The following KLC3 variants were observed in gnomAD, a reference collection of about 807,000 sequenced individuals.
KLC3 encodes the protein kinesin light chain 2.
In KLC3, 72 loss-of-function variants were observed where a neutral mutation model predicts 62.9. The observed-to-expected ratio is 1.15, with a 90% CI of 0.95 to 1.39. The LOEUF is 1.39. KLC3 is among the 40% of genes most tolerant of loss of function. The probability of loss-of-function intolerance (pLI) is 0.00; values close to 1 mark genes in which losing one functional copy is unlikely to be tolerated. For synonymous variants in KLC3, 377 were observed against 300.5 expected (o/e 1.25, Z -2.63); for missense variants, 848 against 691.6 (o/e 1.23, Z -2.54).
rs145326038 is a variant in KLC3 at position 45,346,826 on chromosome 19, C to T, written c.489+52C>T. ...GTGCTGGGCCCTTCATAGAGCCCCA[C>T]AGTCCCCCAGACCCTCCTTAGAATC... On this transcript the variant is annotated intron_variant, in intron 3 of 12. Coordinates refer to ENST00000391946, the MANE Select transcript of KLC3 (RefSeq NM_177417.3). 550 of 1,470,436 alleles carry T rather than the reference C, an allele frequency of 3.7e-4. No individual in the cohort carries two copies. The African/African-American group carries it at 6.6e-3, about 18-fold the overall frequency. 91.1% of individuals were successfully genotyped at this position (1,470,436 alleles called of 1,614,324 possible).
chr19:45,349,902 G>A (rs1445212396), intron 8 of KLC3: 5 of 456,102 alleles, frequency 1.1e-5, no homozygotes, highest in South Asian at 6.7e-5. Flanking sequence ...TCCCCACATC[G>A]CTAGTTCTTA....
chr19:45,341,296 T>A (rs1971389185), intron 1 of KLC3, among the ~76,000 whole-genome samples: 1 of 151,744 alleles, frequency 6.6e-6, no homozygotes, highest in African/African-American at 2.4e-5. Flanking sequence ...GTGATGGGAC[T>A]GTGTGTATGA....
chr19:45,350,795 A>ACAGCC (rs1336399951), intron 11 of KLC3, 48 bp downstream of exon 11: 2 of 1,510,166 alleles, frequency 1.3e-6, no homozygotes, highest in Admixed American at 1.9e-5. Flanking sequence ...AGCAGAATCC[A>ACAGCC]CAGCCCACCC....
Position 45,350,448 on chromosome 19 carries a change from T to C in KLC3, c.1234+17T>C, listed in dbSNP as rs759024466. 5.0e-6 allele frequency: 8 copies of C among 1,613,260 alleles called. No individual in the cohort carries two copies. In the South Asian group the frequency reaches 6.6e-5, roughly 13 times the overall value. On this transcript the variant is annotated intron_variant, in intron 9 of 12. Transcript: ENST00000391946. Reference sequence around the variant, plus strand: ...CCCCTCTCGGTGAGCCCCTAGCCCCTGTCTGTCTTCCCTCCTGGTGGCTTC... The same window carrying C: ...CCCCTCTCGGTGAGCCCCTAGCCCCCGTCTGTCTTCCCTCCTGGTGGCTTC...
rs1458072700 is a variant in KLC3 at position 45,340,862 on chromosome 19, G to A, written c.-9+16G>A. The A allele has an allele frequency of 1.3e-5, 2 of 152,334 alleles. No homozygotes were observed. The highest frequency in any genetic ancestry group is 4.8e-5 in the African/African-American group (2 of 41,452). 9.4% of individuals were successfully genotyped at this position (152,334 alleles called of 1,614,324 possible). A position where few individuals can be genotyped will look rare whatever the true frequency, so the allele number is the denominator to read the frequency against. Reference sequence around the variant, plus strand: ...CCGCGGTCAGGTGGGTGCCGGGAGTGGGGCGCGGGACTCTCGGAGAGCCGC... The same window carrying A: ...CCGCGGTCAGGTGGGTGCCGGGAGTAGGGCGCGGGACTCTCGGAGAGCCGC... On this transcript the variant is annotated intron_variant, in intron 1 of 12. Coordinates refer to ENST00000391946, the MANE Select transcript of KLC3 (RefSeq NM_177417.3).
chr19:45,348,160 G>C lies in KLC3; in HGVS notation c.779G>C (p.Arg260Pro). The C allele has an allele frequency of 6.3e-7, 1 of 1,577,478 alleles. No individual in the cohort carries two copies. Residue 260 changes from arginine (R) to proline (P), a missense_variant and splice_region_variant, in exon 5 of 13, where the codon CGG (arginine) becomes CCG (proline). Arg to Pro is a moderately radical substitution (Grantham distance 103). Transcript: ENST00000391946. ...CTCAACATCCTGGCGCTGGTGTACC[G>C]GTGAGCACTGCGGCCAGCCATGGCT... ...TMLNILALVY[R>P]DQNKYKEATD...
Position 45,346,528 on chromosome 19 carries a change from C to A in KLC3, c.259-16C>A, listed in dbSNP as rs1211094963. ...GGCAGGAACCAACCTCGACTTGGGA[C>A]CCCCACCCCGGGCAGGTGCTGCTGG... On this transcript the variant is annotated splice_polypyrimidine_tract_variant and intron_variant, in intron 2 of 12. Coordinates refer to ENST00000391946, the MANE Select transcript of KLC3 (RefSeq NM_177417.3). 1.3e-6 allele frequency: 2 copies of A among 1,513,472 alleles called. No individual in the cohort carries two copies. The highest frequency in any genetic ancestry group is 2.5e-5 in the South Asian group (2 of 79,156). 93.8% of individuals were successfully genotyped at this position (1,513,472 alleles called of 1,614,324 possible).
In KLC3 at chr19:45,347,474, A is replaced by G; in HGVS notation, c.517A>G (p.Ser173Gly). 6.2e-7 allele frequency: 1 copy of G among 1,612,684 alleles called. No homozygotes were observed. Among genetic ancestry groups the G allele is most frequent in the Non-Finnish European group, 8.5e-7 (1 of 1,179,376 alleles). The part of the protein sequence containing the change: ...QQSESPPRRD[S>G]LASLFPSEEE... ...GTCTGAGTCCCCGCCTCGCCGAGACAGCCTGGCCTCCCTGTTCCCCAGCGA... is the reference window on the plus strand; with the variant it reads ...GTCTGAGTCCCCGCCTCGCCGAGACGGCCTGGCCTCCCTGTTCCCCAGCGA... The change falls in exon 4 of 13, where the codon AGC (serine) becomes GGC (glycine). Residue 173 changes from serine to glycine, a missense_variant. By Grantham distance (56) the Ser-to-Gly change is moderately conservative. Coordinates refer to ENST00000391946, the MANE Select transcript of KLC3 (RefSeq NM_177417.3).
At position 45,345,548 on chromosome 19, in the gene KLC3, G is replaced by C. The variant is rs1186317683; in HGVS notation, c.7G>C (p.Val3Leu). The C allele has an allele frequency of 1.9e-6, 3 of 1,564,970 alleles. No individual in the cohort carries two copies. The highest frequency in any genetic ancestry group is 2.4e-5 in the South Asian group (2 of 84,860). Residue 3 changes from valine (V) to leucine (L), a missense_variant, in exon 2 of 13, where the codon GTG (valine) becomes CTG (leucine). Transcript: ENST00000391946. ...TTGCTCCCCAGGAGCAGCAATGTCT[G>C]TGCAGGTAGCGGCTCCTGGAAGTGC... MS[V>L]QVAAPGSAGL...
chr19:45,342,779 T>C (rs1293051159), intron 1 of KLC3, among the ~76,000 whole-genome samples: 1 of 152,000 alleles, frequency 6.6e-6, no homozygotes, highest in African/African-American at 2.4e-5. Flanking sequence ...AAAAATAAAA[T>C]TAAATTTTTT....
intron 4 of KLC3, 55 bp downstream of exon 4, chr19:45,347,571 C>T (rs775352007): frequency 2.0e-6 from 3 of 1,506,452 alleles, no homozygotes; most frequent in South Asian, 2.4e-5. Context: ...GGGGAGGGGG[C>T]TCTGAGCTGC....
intron 8 of KLC3, 90 bp from the exon 9 acceptor site, chr19:45,350,249 CCT>C (rs370444753): frequency 8.7e-6 from 8 of 919,576 alleles, no homozygotes; most frequent in Middle Eastern, 2.8e-4. Context: ...TACCAAGACC[CCT>C]GTCTCTACAA....
intron 1 of KLC3, among the ~76,000 whole-genome samples, chr19:45,341,910 A>T (rs1046179900): frequency 6.6e-6 from 1 of 151,678 alleles, no homozygotes; most frequent in African/African-American, 2.4e-5. Flanking sequence ...TTTAAGTGGG[A>T]TGCTCCTCCA....
intron 8 of KLC3, 157 bp downstream of exon 8, chr19:45,349,759 C>A: frequency 1.4e-6 from 1 of 693,792 alleles, no homozygotes; most frequent in Non-Finnish European, 2.3e-6. Flanking sequence ...TGGCTCAGCA[C>A]AGAACACGGA....
chr19:45,349,861 C>T, intron 8 of KLC3: 1 of 506,520 alleles, frequency 2.0e-6, no homozygotes, highest in South Asian at 2.9e-5. Context: ...ATTTATTGAG[C>T]TCACTGTGGC....
At position 45,347,333 on chromosome 19, in the gene KLC3, T is replaced by G. The variant is rs1205404767; in HGVS notation, c.490-114T>G. ...CTCCAGCCTGTGCAACAAGCGAAACTCCGTCTCAAAAAAAAAAAAAAAACA... is the reference window on the plus strand; with the variant it reads ...CTCCAGCCTGTGCAACAAGCGAAACGCCGTCTCAAAAAAAAAAAAAAAACA... On this transcript the variant is annotated intron_variant, in intron 3 of 12. Coordinates refer to ENST00000391946, the MANE Select transcript of KLC3 (RefSeq NM_177417.3). 8 of 699,998 alleles carry G rather than the reference T, an allele frequency of 1.1e-5. No homozygotes were observed. The South Asian group carries it at 1.5e-4, about 13-fold the overall frequency. The allele number at this position is 699,998 out of a possible 1,614,324, so 43.4% of individuals were successfully genotyped here. A position where few individuals can be genotyped will look rare whatever the true frequency, so the allele number is the denominator to read the frequency against.
rs1438907982 is a variant in KLC3, at chr19:45,341,783, G to GTGTT, written c.-9+940_-9+941insTTGT. Among the ~76,000 whole-genome samples, 246 of 136,654 alleles carry GTGTT rather than the reference G, an allele frequency of 1.8e-3. 4 individuals carry two copies. Among genetic ancestry groups the GTGTT allele is most frequent in the East Asian group, 0.014 (67 of 4,722 alleles). The allele number at this position is 136,654 out of a possible 152,430, so 89.7% of individuals were successfully genotyped here. On this transcript the variant is annotated intron_variant, in intron 1 of 12. Transcript: ENST00000391946. ...TGTGTGAAGCCGTGTGTGCGTGTGT[G>GTGTT]TGTGTGTGTGTGTGTGTGTAGAGAG...
At position 45,350,959 on chromosome 19, in the gene KLC3, A is replaced by G; in HGVS notation, c.1385A>G (p.Lys462Arg). 1 of 1,614,106 alleles carries G rather than the reference A, an allele frequency of 6.2e-7. No homozygotes were observed. The highest frequency in any genetic ancestry group is 1.3e-5 in the African/African-American group (1 of 75,022). ...GEAAAGAAGM[K>R]RAMSLNTLNV... is the part of the protein sequence containing the mutation. Reference sequence around the variant, plus strand: ...CCCTGCTGCCCTCTTTGCAGAATGAAGAGAGCCATGTCACTCAACACACTG... The same window carrying G: ...CCCTGCTGCCCTCTTTGCAGAATGAGGAGAGCCATGTCACTCAACACACTG... Residue 462 changes from lysine (K) to arginine (R), a missense_variant, in exon 12 of 13, where the codon AAG (lysine) becomes AGG (arginine). Lys to Arg is a conservative substitution (Grantham distance 26, BLOSUM62 2). Coordinates refer to ENST00000391946, the MANE Select transcript of KLC3 (RefSeq NM_177417.3).
At chr19:45,348,951 A>T (rs1971584964) in intron 7 of KLC3, 30 bp downstream of exon 7, 1 of 1,536,546 alleles carries the variant, frequency 6.5e-7, no homozygotes. Context: ...ACCCCGAGGA[A>T]CCCCTTGTCC....
Sources: allele counts gnomAD v4.1 joint callset (sites outside exome capture counted in the v4.1 genomes callset), GRCh38; gene constraint gnomAD v4.1.1; transcripts MANE v1.5; gene names NCBI Gene and HGNC (gene_info 2026-07-23, HGNC 2026-07-21).